The following ARHGEF3 variants were observed in gnomAD, a reference collection of about 807,000 sequenced individuals.
ARHGEF3 encodes Rho guanine nucleotide exchange factor 3.
In ARHGEF3, 28 loss-of-function variants were observed where a neutral mutation model predicts 63.2. That is an observed-to-expected ratio of 0.44 (90% CI 0.33 to 0.61). ARHGEF3 has a LOEUF of 0.61. ARHGEF3 is among the 20% of genes least tolerant of loss of function. ARHGEF3 has a pLI of 0.03. For missense variants in ARHGEF3, 533 were observed against 659.3 expected, an observed-to-expected ratio of 0.81 and a Z score of 2.10; for synonymous variants, 266 against 254.2, an observed-to-expected ratio of 1.05 and a Z score of -0.44.
At chr3:57,004,328 T>C (rs372589202) in intron 2 of ARHGEF3, among the ~76,000 whole-genome samples, 1 of 152,198 alleles carries the variant, frequency 6.6e-6, no homozygotes, top group Admixed American at 6.5e-5. Context: ...CGTGTCCACA[T>C]TTGCAAGAGA....
intron 4 of ARHGEF3, among the ~76,000 whole-genome samples, chr3:56,861,575 T>G (rs1238357168): frequency 2.0e-5 from 3 of 152,192 alleles, no homozygotes; most frequent in Non-Finnish European, 4.4e-5. Context: ...GGATTTTCTC[T>G]CTTGATACAT....
chr3:57,014,095 G>A (rs906981962), intron 2 of ARHGEF3, among the ~76,000 whole-genome samples: 2 of 152,232 alleles, frequency 1.3e-5, no homozygotes, highest in Admixed American at 1.3e-4. Context: ...CCCGCCAGGA[G>A]GAACGAACAA....
intron 1 of ARHGEF3, among the ~76,000 whole-genome samples, chr3:57,067,334 A>G (rs929949516): frequency 6.6e-6 from 1 of 151,378 alleles, no homozygotes; most frequent in African/African-American, 2.4e-5. Context: ...GGGCGCCTGT[A>G]CTCCCAGTTA....
At chr3:56,900,363 G>A (rs1373322546) in intron 3 of ARHGEF3, among the ~76,000 whole-genome samples, 1 of 152,190 alleles carries the variant, frequency 6.6e-6, no homozygotes, top group Admixed American at 6.5e-5. Context: ...GGCTGGGTGT[G>A]GTGGCTCACA....
intron 2 of ARHGEF3, among the ~76,000 whole-genome samples, chr3:56,969,455 G>A (rs1000517601): frequency 1.3e-5 from 2 of 152,192 alleles, no homozygotes; most frequent in Admixed American, 1.3e-4. Context: ...CACATGGCTG[G>A]TATTATAATA....
chr3:56,916,872 C>A (rs936775383), intron 3 of ARHGEF3, among the ~76,000 whole-genome samples: 1 of 152,202 alleles, frequency 6.6e-6, no homozygotes, highest in Non-Finnish European at 1.5e-5. Flanking sequence ...AGAGCCCACA[C>A]TGAGTCGCGG....
intron 2 of ARHGEF3, among the ~76,000 whole-genome samples, chr3:56,767,030 C>T (rs946267805): frequency 5.3e-5 from 8 of 151,804 alleles, no homozygotes; most frequent in East Asian, 1.9e-4. Context: ...AGGTCTGTGG[C>T]GAGGTGTGGT....
intron 3 of ARHGEF3, among the ~76,000 whole-genome samples, chr3:56,951,381 A>G (rs1390003193): frequency 6.6e-6 from 1 of 152,056 alleles, no homozygotes; most frequent in African/African-American, 2.4e-5. Flanking sequence ...CATTGAGGCA[A>G]GATGATCATT....
At chr3:57,042,673 TA>T (rs1560155967) in intron 1 of ARHGEF3, among the ~76,000 whole-genome samples, 568 of 37,648 alleles carry the variant, frequency 0.015, 54 homozygotes, top group African/African-American at 0.053. Context: ...TATATATATA[TA>T]TATATATATA....
chr3:56,932,693 GT>G (rs2042446336), intron 3 of ARHGEF3, among the ~76,000 whole-genome samples: 1 of 152,142 alleles, frequency 6.6e-6, no homozygotes, highest in Admixed American at 6.5e-5. Flanking sequence ...TATGTTTATG[GT>G]TCGTGACATA....
At chr3:56,765,123 G>A (rs2035634316) in intron 2 of ARHGEF3, among the ~76,000 whole-genome samples, 1 of 152,110 alleles carries the variant, frequency 6.6e-6, no homozygotes, top group African/African-American at 2.4e-5. Flanking sequence ...TCCAGGAATA[G>A]TAAAGAACAG....
intron 3 of ARHGEF3, chr3:56,882,394 G>C (rs1201476856): frequency 6.5e-7 from 1 of 1,531,120 alleles, no homozygotes; most frequent in East Asian, 2.5e-5. Flanking sequence ...AAGGTAAGTA[G>C]GGGTTATGGC....
intron 4 of ARHGEF3, among the ~76,000 whole-genome samples, chr3:56,814,669 T>TC (rs201597548): frequency 0.01 from 1,584 of 152,248 alleles, 79 homozygotes; most frequent in East Asian, 0.099. Flanking sequence ...TTCTCCCTTT[T>TC]TTTTTAAATG....
Position 56,968,232 on chromosome 3 carries a change from ATAAATATATATAT to A in ARHGEF3, c.63-9356_63-9344del, listed in dbSNP as rs1700724388. Among the ~76,000 whole-genome samples the A allele has an allele frequency of 2.2e-4, 10 of 44,646 alleles. 1 individual carries two copies. In the South Asian group the frequency reaches 3.9e-3, roughly 17 times the overall value. The allele number at this position is 44,646 out of a possible 152,430, so 29.3% of individuals were successfully genotyped here. On this transcript the variant is annotated intron_variant, in intron 2 of 12. Transcript: ENST00000338458. ...AATATATATTATATATAATATATAT[ATAAATATATATAT>A]TAATATATAATATTTAAATATATAA...
chr3:56,934,097 A>G (rs796713333), intron 3 of ARHGEF3, among the ~76,000 whole-genome samples: 25 of 152,326 alleles, frequency 1.6e-4, no homozygotes, highest in African/African-American at 6.0e-4. Flanking sequence ...TTTTCTTTAT[A>G]AACTACCCAG....
chr3:56,864,141 C>T (rs906802642), intron 4 of ARHGEF3, among the ~76,000 whole-genome samples: 2 of 152,158 alleles, frequency 1.3e-5, no homozygotes, highest in African/African-American at 4.8e-5. Context: ...GGAATGAAAG[C>T]ATAAATGACA....
chr3:56,911,853 A>G (rs902750913), intron 3 of ARHGEF3, among the ~76,000 whole-genome samples: 7 of 151,902 alleles, frequency 4.6e-5, no homozygotes, highest in Non-Finnish European at 7.4e-5. Flanking sequence ...GGATCACTTG[A>G]GCCCAAAAAG....
chr3:57,058,583 A>G (rs1006574487), intron 1 of ARHGEF3, among the ~76,000 whole-genome samples: 73 of 152,298 alleles, frequency 4.8e-4, no homozygotes, highest in Non-Finnish European at 9.1e-4. Flanking sequence ...AAGTCGGTGT[A>G]GCGATTCCTC....
intron 3 of ARHGEF3, among the ~76,000 whole-genome samples, chr3:56,900,323 A>AAAAACAAAAC (rs961055836): frequency 6.6e-6 from 1 of 152,198 alleles, no homozygotes; most frequent in Admixed American, 6.5e-5. Context: ...ATATTTTTGT[A>AAAAACAAAAC]AAAACAAAAC....
Sources: allele counts gnomAD v4.1 joint callset (sites outside exome capture counted in the v4.1 genomes callset), GRCh38; gene constraint gnomAD v4.1.1; transcripts MANE v1.5; gene names NCBI Gene and HGNC (gene_info 2026-07-23, HGNC 2026-07-21).